MACROD2: variants seen among roughly 807,000 people sequenced by gnomAD.
MACROD2 encodes the protein mono-ADP ribosylhydrolase 2, also known as ADP-ribose glycohydrolase MACROD2.
A neutral mutation model predicts 70.4 loss-of-function variants in MACROD2; 36 were observed. The observed-to-expected ratio is 0.51, with a 90% CI of 0.39 to 0.68. The LOEUF (loss-of-function observed/expected upper bound fraction) is 0.68. Among genes scored for constraint, MACROD2 ranks in the 30% least tolerant of loss-of-function variants. The probability of loss-of-function intolerance (pLI) is 0.00; values close to 1 mark genes in which losing one functional copy is unlikely to be tolerated. For missense variants in MACROD2, 496 were observed against 538.4 expected (o/e 0.92, Z 0.78); for synonymous variants, 172 against 178.8 (o/e 0.96, Z 0.30).
chr20:14,347,902 A>G (rs1236366298), intron 3 of MACROD2, among the ~76,000 whole-genome samples: 2 of 152,150 alleles, frequency 1.3e-5, no homozygotes, highest in Admixed American at 1.3e-4. Context: ...CCAGGTTAAC[A>G]TCTAGCCTAA....
intron 5 of MACROD2, among the ~76,000 whole-genome samples, chr20:14,979,421 A>G (rs1179908933): frequency 1.3e-5 from 2 of 152,200 alleles, no homozygotes; most frequent in Non-Finnish European, 2.9e-5. Context: ...AAGTTGGCAT[A>G]AAAGAACCAA....
At chr20:14,436,861 C>A (rs560389970) in intron 3 of MACROD2, among the ~76,000 whole-genome samples, 2 of 152,310 alleles carry the variant, frequency 1.3e-5, no homozygotes, top group South Asian at 2.1e-4. Flanking sequence ...GTGTATTAAG[C>A]ATGCACTTAC....
chr20:14,878,637 C>A (rs6042958), intron 5 of MACROD2, among the ~76,000 whole-genome samples: 255 of 152,200 alleles, frequency 1.7e-3, no homozygotes, highest in African/African-American at 5.7e-3. Flanking sequence ...TTGAAATAGT[C>A]AAAAGAACAT....
intron 8 of MACROD2, among the ~76,000 whole-genome samples, chr20:15,506,272 A>G (rs908683399): frequency 6.6e-6 from 1 of 152,206 alleles, no homozygotes; most frequent in South Asian, 2.1e-4. Flanking sequence ...CTTGCCTTCC[A>G]GTATTCAGGC....
intron 8 of MACROD2, among the ~76,000 whole-genome samples, chr20:15,787,836 C>CT (rs1189054890): frequency 6.6e-6 from 1 of 152,048 alleles, no homozygotes; most frequent in Non-Finnish European, 1.5e-5. Context: ...ATCTTCTCTC[C>CT]TGTGAATAAG....
intron 7 of MACROD2, among the ~76,000 whole-genome samples, chr20:15,493,324 C>A: frequency 6.6e-6 from 1 of 152,002 alleles, no homozygotes; most frequent in East Asian, 1.9e-4. Flanking sequence ...TTAAATATAC[C>A]AAATTATTAT....
At chr20:14,315,730 A>G (rs2082607047) in intron 3 of MACROD2, among the ~76,000 whole-genome samples, 1 of 152,240 alleles carries the variant, frequency 6.6e-6, no homozygotes, top group Admixed American at 6.5e-5. Flanking sequence ...AAGTACTTAC[A>G]GTTCAACTAC....
At chr20:14,190,336 G>C (rs1027628773) in intron 3 of MACROD2, among the ~76,000 whole-genome samples, 2 of 151,986 alleles carry the variant, frequency 1.3e-5, no homozygotes, top group African/African-American at 4.8e-5. Flanking sequence ...TCTTAATATG[G>C]TGTCCAGAAT....
intron 5 of MACROD2, among the ~76,000 whole-genome samples, chr20:14,717,915 C>T (rs539889774): frequency 6.6e-6 from 1 of 152,146 alleles, no homozygotes; most frequent in African/African-American, 2.4e-5. Context: ...TAATTGTTCT[C>T]CCTAAGCACA....
intron 3 of MACROD2, among the ~76,000 whole-genome samples, chr20:14,198,191 A>AGT (rs1252071810): frequency 6.6e-6 from 1 of 152,020 alleles, no homozygotes; most frequent in Non-Finnish European, 1.5e-5. Context: ...GGAGAGAGAG[A>AGT]GAGGGAGAGG....
intron 5 of MACROD2, among the ~76,000 whole-genome samples, chr20:14,938,760 G>A (rs2074363597): frequency 6.6e-6 from 1 of 151,848 alleles, no homozygotes; most frequent in African/African-American, 2.4e-5. Context: ...CAGCGTGGGT[G>A]ACTGTCTCAA....
chr20:15,712,400 TG>T (rs2050641574), intron 8 of MACROD2, among the ~76,000 whole-genome samples: 1 of 152,240 alleles, frequency 6.6e-6, no homozygotes, highest in Admixed American at 6.5e-5. Flanking sequence ...GGTTTCCATC[TG>T]CCTTTAGCTG....
intron 5 of MACROD2, among the ~76,000 whole-genome samples, chr20:15,130,877 A>G (rs1833647583): frequency 1.3e-5 from 2 of 152,094 alleles, no homozygotes; most frequent in African/African-American, 4.8e-5. Context: ...CCCTGAGGTG[A>G]GTAAGGGAAA....
At chr20:15,323,093 A>AGC (rs1375715491) in intron 6 of MACROD2, among the ~76,000 whole-genome samples, 16 of 103,988 alleles carry the variant, frequency 1.5e-4, no homozygotes, top group Admixed American at 2.8e-4. Flanking sequence ...ACATTCTGCC[A>AGC]TTCTGCAGTG....
chr20:14,497,341 A>T (rs1243845852), intron 4 of MACROD2, among the ~76,000 whole-genome samples: 1 of 151,768 alleles, frequency 6.6e-6, no homozygotes, highest in African/African-American at 2.4e-5. Flanking sequence ...TGTAATAAGA[A>T]TGTTGTACAT....
intron 3 of MACROD2, among the ~76,000 whole-genome samples, chr20:14,213,391 A>G (rs1207131953): frequency 2.3e-5 from 3 of 133,052 alleles, no homozygotes; most frequent in Non-Finnish European, 3.2e-5. Context: ...AAAAAAGGCC[A>G]ATTATAAGAT....
chr20:15,052,699 A>C (rs2075452376), intron 5 of MACROD2, among the ~76,000 whole-genome samples: 1 of 152,190 alleles, frequency 6.6e-6, no homozygotes, highest in Admixed American at 6.5e-5. Flanking sequence ...CGAGCCAGTT[A>C]ATAACTCTAC....
At chr20:14,033,200 C>T (rs1173298211) in intron 2 of MACROD2, among the ~76,000 whole-genome samples, 1 of 150,634 alleles carries the variant, frequency 6.6e-6, no homozygotes, top group Non-Finnish European at 1.5e-5. Context: ...GTTATCTTCA[C>T]TGATTAAAAA....
chr20:14,304,612 T>A (rs974427123), intron 3 of MACROD2, among the ~76,000 whole-genome samples: 4 of 152,210 alleles, frequency 2.6e-5, no homozygotes, highest in Admixed American at 6.5e-5. Flanking sequence ...TATCCAACAG[T>A]TTATTATTTC....
Sources: allele counts gnomAD v4.1 joint callset (sites outside exome capture counted in the v4.1 genomes callset), GRCh38; gene constraint gnomAD v4.1.1; transcripts MANE v1.5; gene names NCBI Gene and HGNC (gene_info 2026-07-23, HGNC 2026-07-21).